The following NALF1 variants were observed in gnomAD, a reference collection of about 807,000 sequenced individuals.
NALF1 encodes the protein NALCN channel auxiliary factor 1.
A neutral mutation model predicts 48.4 loss-of-function variants in NALF1; 3 were observed. The ratio of observed to expected loss-of-function variants is 0.06; its 90% CI spans 0.03 to 0.16. The LOEUF (loss-of-function observed/expected upper bound fraction) is 0.16. Among genes scored for constraint, NALF1 ranks in the 10% least tolerant of loss-of-function variants. NALF1 has a pLI of 1.00. For missense variants in NALF1, 526 were observed against 571.5 expected (o/e 0.92, Z 0.81); for synonymous variants, 262 against 245.7 (o/e 1.07, Z -0.62).
At chr13:107,641,639 T>C (rs546126826) in intron 1 of NALF1, among the ~76,000 whole-genome samples, 48 of 152,242 alleles carry the variant, frequency 3.2e-4, no homozygotes, top group African/African-American at 1.1e-3. Context: ...AATGATGGCT[T>C]AGTTACCACC....
intron 1 of NALF1, among the ~76,000 whole-genome samples, chr13:107,461,397 GAACTA>G (rs1884916799): frequency 6.6e-6 from 1 of 152,086 alleles, no homozygotes; most frequent in Non-Finnish European, 1.5e-5. Flanking sequence ...TGTCATTTAT[GAACTA>G]AACAATTGAG....
At position 107,792,300 on chromosome 13, in the gene NALF1, C is replaced by A. The variant is rs114980696; in HGVS notation, c.915+73382G>T. On this transcript the variant is annotated intron_variant, in intron 1 of 2. Transcript: ENST00000375915. ...AGACATGGATTATTTTAATACCATACATATGACATTTAGTAAAATTATAAT... is the reference window on the plus strand; with the variant it reads ...AGACATGGATTATTTTAATACCATAAATATGACATTTAGTAAAATTATAAT... Among the ~76,000 whole-genome samples, 1,453 of 152,214 alleles carry A rather than the reference C, an allele frequency of 9.5e-3. 21 individuals are homozygous for A. The highest frequency in any genetic ancestry group is 0.033 in the African/African-American group (1,377 of 41,526).
chr13:107,744,052 G>C (rs1304993944), intron 1 of NALF1, among the ~76,000 whole-genome samples: 1 of 152,156 alleles, frequency 6.6e-6, no homozygotes, highest in Non-Finnish European at 1.5e-5. Context: ...ACAGCAGTCT[G>C]GATGAAAAAG....
At chr13:107,795,334 GA>G (rs900870817) in intron 1 of NALF1, among the ~76,000 whole-genome samples, 70 of 152,034 alleles carry the variant, frequency 4.6e-4, no homozygotes, top group African/African-American at 1.7e-3. Context: ...CTGGGGAAGG[GA>G]AAAATTTTAC....
At chr13:107,517,491 G>A (rs1399985767) in intron 1 of NALF1, among the ~76,000 whole-genome samples, 2 of 151,994 alleles carry the variant, frequency 1.3e-5, no homozygotes, top group Non-Finnish European at 2.9e-5. Flanking sequence ...AATTAGCCGG[G>A]CGTGGTGGTG....
chr13:107,266,068 T>C (rs1259899845), intron 1 of NALF1, among the ~76,000 whole-genome samples: 1 of 152,212 alleles, frequency 6.6e-6, no homozygotes, highest in Non-Finnish European at 1.5e-5. Context: ...AAAGGTTAAA[T>C]GCTCTTGCAA....
intron 1 of NALF1, among the ~76,000 whole-genome samples, chr13:107,483,346 T>C (rs1162764154): frequency 1.3e-5 from 2 of 152,178 alleles, no homozygotes; most frequent in African/African-American, 2.4e-5. Flanking sequence ...ATAAAGTCAA[T>C]GGCTTGTCAC....
At chr13:107,710,592 G>A (rs969602856) in intron 1 of NALF1, among the ~76,000 whole-genome samples, 5 of 152,006 alleles carry the variant, frequency 3.3e-5, no homozygotes, top group African/African-American at 1.2e-4. Context: ...AGGAGAGAGA[G>A]TGAGAGGAAG....
At chr13:107,818,837 A>G (rs903552517) in intron 1 of NALF1, among the ~76,000 whole-genome samples, 1 of 123,044 alleles carries the variant, frequency 8.1e-6, no homozygotes, top group Admixed American at 9.0e-5. Context: ...GCGCCACTGC[A>G]CTCCAGCCTG....
intron 1 of NALF1, among the ~76,000 whole-genome samples, chr13:107,755,801 CAG>C (rs1014670416): frequency 6.6e-6 from 1 of 152,120 alleles, no homozygotes; most frequent in Non-Finnish European, 1.5e-5. Flanking sequence ...TGTCTCATAA[CAG>C]AAAATCTTGA....
chr13:107,786,958 C>T (rs1204904753), intron 1 of NALF1, among the ~76,000 whole-genome samples: 2 of 152,160 alleles, frequency 1.3e-5, no homozygotes, highest in African/African-American at 4.8e-5. Context: ...CCTGAGATAT[C>T]TTCATTTCTG....
chr13:107,429,179 G>A lies in NALF1; in HGVS notation c.916-218424C>T, dbSNP rs138340735. On this transcript the variant is annotated intron_variant, in intron 1 of 2. Transcript: ENST00000375915. ...TCTCTACTGAAATATAAAATTAGCC[G>A]GGCGTGGTTGTGCAAGTCTGTAATC... Among the ~76,000 whole-genome samples, 209 of 152,056 alleles carry A rather than the reference G, an allele frequency of 1.4e-3. 1 individual carries two copies. Among genetic ancestry groups the A allele is most frequent in the Admixed American group, 4.1e-3 (62 of 15,252 alleles).
intron 1 of NALF1, among the ~76,000 whole-genome samples, chr13:107,409,035 C>A (rs1375537900): frequency 1.3e-5 from 2 of 151,898 alleles, no homozygotes; most frequent in Non-Finnish European, 2.9e-5. Context: ...ACATACAAAG[C>A]CCAACATGAA....
intron 1 of NALF1, among the ~76,000 whole-genome samples, chr13:107,257,061 G>A (rs1173867803): frequency 1.3e-5 from 2 of 152,088 alleles, no homozygotes; most frequent in Non-Finnish European, 2.9e-5. Flanking sequence ...GGGGAGGCAG[G>A]CACCTTCTTC....
chr13:107,744,156 A>G (rs1478739400), intron 1 of NALF1, among the ~76,000 whole-genome samples: 4 of 152,216 alleles, frequency 2.6e-5, no homozygotes, highest in Non-Finnish European at 5.9e-5. Context: ...GCAGACAGAG[A>G]GACCTTTGAG....
Position 107,746,489 on chromosome 13 carries a change from T to C in NALF1, c.915+119193A>G, listed in dbSNP as rs556361952. ...CCAAACGTGATTTTTCACTGTTTAG[T>C]ACTCTGTTTTAGCATAGGCATTTTT... is the stretch of plus-strand genomic sequence containing the variant. On this transcript the variant is annotated intron_variant, in intron 1 of 2. Transcript: ENST00000375915. Among the ~76,000 whole-genome samples the C allele has an allele frequency of 2.0e-5, 3 of 152,356 alleles. No individual in the cohort carries two copies. The South Asian group carries it at 6.2e-4, about 32-fold the overall frequency.
intron 1 of NALF1, among the ~76,000 whole-genome samples, chr13:107,811,330 A>C (rs73587735): frequency 0.055 from 8,338 of 152,226 alleles, 368 homozygotes; most frequent in African/African-American, 0.12. Context: ...CCAAACCATC[A>C]AACCTCAAAT....
At position 107,366,893 on chromosome 13, in the gene NALF1, A is replaced by C. The variant is rs1212812755; in HGVS notation, c.916-156138T>G. On this transcript the variant is annotated intron_variant, in intron 1 of 2. Coordinates refer to ENST00000375915, the MANE Select transcript of NALF1 (RefSeq NM_001080396.3). ...TGGCAGAAACACGTACATACTTTTA[A>C]GATCCGAACTGGGTATCCTACAAGG... Among the ~76,000 whole-genome samples the C allele has an allele frequency of 3.9e-5, 6 of 152,234 alleles. No homozygotes were observed. In the East Asian group the frequency reaches 1.2e-3, roughly 29 times the overall value.
At chr13:107,752,240 T>G in intron 1 of NALF1, among the ~76,000 whole-genome samples, 1 of 152,172 alleles carries the variant, frequency 6.6e-6, no homozygotes, top group East Asian at 1.9e-4. Context: ...CTTTCACCAT[T>G]GTATTAGCCA....
Sources: allele counts gnomAD v4.1 joint callset (sites outside exome capture counted in the v4.1 genomes callset), GRCh38; gene constraint gnomAD v4.1.1; transcripts MANE v1.5; gene names NCBI Gene and HGNC (gene_info 2026-07-23, HGNC 2026-07-21).